The following ITSN2 variants were observed in gnomAD, a reference collection of about 807,000 sequenced individuals.
ITSN2 encodes the protein intersectin 2, also known as intersectin-2.
Under a neutral mutation model 243.7 loss-of-function variants are expected in ITSN2, and 156 were observed. That is an observed-to-expected ratio of 0.64 (90% CI 0.56 to 0.73). The LOEUF is 0.73. Ranked by LOEUF, ITSN2 falls within the 30% of genes least tolerant of loss-of-function variation. The pLI is 0.00. For missense variants in ITSN2, 1,801 were observed against 1,996.1 expected (o/e 0.90, Z 1.86); for synonymous variants, 703 against 699.9 (o/e 1.00, Z -0.07).
intron 9 of ITSN2, among the ~76,000 whole-genome samples, chr2:24,302,384 G>T (rs1267543848): frequency 6.6e-6 from 1 of 151,946 alleles, no homozygotes; most frequent in East Asian, 1.9e-4. Context: ...ATTTTTAGTA[G>T]AGACGGGGTT....
chr2:24,340,279 G>C (rs1199657701), intron 1 of ITSN2, among the ~76,000 whole-genome samples: 1 of 152,014 alleles, frequency 6.6e-6, no homozygotes, highest in Non-Finnish European at 1.5e-5. Flanking sequence ...TCAGGAGTTT[G>C]AGACCACCCT....
At chr2:24,240,903 T>C (rs989648916) in intron 29 of ITSN2, 6 of 152,214 alleles carry the variant, frequency 3.9e-5, no homozygotes, top group Non-Finnish European at 5.9e-5. Context: ...TATATTAGTT[T>C]ATAATAATGT....
chr2:24,268,405 T>C (rs1676930096), intron 20 of ITSN2, among the ~76,000 whole-genome samples: 1 of 152,166 alleles, frequency 6.6e-6, no homozygotes. Context: ...TATTCAATCC[T>C]TCTACCACTC....
At position 24,310,478 on chromosome 2, in the gene ITSN2, A is replaced by G. The variant is rs761172397; in HGVS notation, c.556+11T>C. On this transcript the variant is annotated intron_variant, in intron 6 of 39. Coordinates refer to ENST00000355123, the MANE Select transcript of ITSN2 (RefSeq NM_006277.3). ...CATGAAATAATGACTCTTTAGAAACAAAGTACTCACTTGAAGAAGAATAAG... is the reference window on the plus strand; with the variant it reads ...CATGAAATAATGACTCTTTAGAAACGAAGTACTCACTTGAAGAAGAATAAG... 80 of 1,612,822 alleles carry G rather than the reference A, an allele frequency of 5.0e-5. 1 individual carries two copies. Among genetic ancestry groups the G allele is most frequent in the Middle Eastern group, 1.6e-4 (1 of 6,078 alleles).
intron 1 of ITSN2, among the ~76,000 whole-genome samples, chr2:24,351,530 C>T (rs1475393259): frequency 2.6e-4 from 40 of 152,204 alleles, no homozygotes; most frequent in Admixed American, 2.6e-3. Flanking sequence ...CAGTAGACCC[C>T]CTTATCTGCA....
At chr2:24,327,045 C>T (rs139172190) in intron 2 of ITSN2, among the ~76,000 whole-genome samples, 1 of 151,816 alleles carries the variant, frequency 6.6e-6, no homozygotes, top group Non-Finnish European at 1.5e-5. Context: ...TGAGTTTATT[C>T]TCTATTTCCT....
intron 15 of ITSN2, among the ~76,000 whole-genome samples, chr2:24,287,629 A>G (rs555400568): frequency 6.6e-6 from 1 of 152,186 alleles, no homozygotes; most frequent in Admixed American, 6.5e-5. Flanking sequence ...GTTTTCCTTA[A>G]CAACTATACC....
chr2:24,292,681 C>T (rs1210278078), intron 15 of ITSN2, among the ~76,000 whole-genome samples: 1 of 152,240 alleles, frequency 6.6e-6, no homozygotes, highest in Non-Finnish European at 1.5e-5. Context: ...TAAGCCCTCA[C>T]TCTCTAGAGA....
chr2:24,254,971 T>C (rs4665677), intron 23 of ITSN2, among the ~76,000 whole-genome samples: 150,161 of 152,294 alleles, frequency 0.99, 74,031 homozygotes, highest in African/African-American at 1. Context: ...CAGGCCTCCC[T>C]AGGACCTGTG....
In ITSN2 at chr2:24,307,353, TAA is replaced by T. The variant is rs536698735; in HGVS notation, c.793+1262_793+1263del. Among the ~76,000 whole-genome samples, 25 of 140,964 alleles carry T rather than the reference TAA, an allele frequency of 1.8e-4. No individual in the cohort carries two copies. In the East Asian group the frequency reaches 3.5e-3, roughly 20 times the overall value. 92.5% of individuals were successfully genotyped at this position (140,964 alleles called of 152,430 possible). A position where few individuals can be genotyped will look rare whatever the true frequency, so the allele number is the denominator to read the frequency against. ...TCCTAATTTTAGAGACATTAAAATG[TAA>T]AAAAAAAAAAGTGTCAAAAAAGCAT... On this transcript the variant is annotated intron_variant, in intron 8 of 39. Coordinates refer to ENST00000355123, the MANE Select transcript of ITSN2 (RefSeq NM_006277.3).
At chr2:24,282,225 G>A (rs148640512) in intron 17 of ITSN2, among the ~76,000 whole-genome samples, 421 of 152,298 alleles carry the variant, frequency 2.8e-3, no homozygotes, top group African/African-American at 8.0e-3. Flanking sequence ...GGCAGAAGAC[G>A]ACACAAGCAG....
chr2:24,305,021 T>C (rs1038138999), intron 8 of ITSN2, among the ~76,000 whole-genome samples: 1 of 152,224 alleles, frequency 6.6e-6, no homozygotes, highest in African/African-American at 2.4e-5. Flanking sequence ...CTCTAATCTC[T>C]TTTCTTCTGT....
rs376365729 is a variant in ITSN2 at position 24,315,232 on chromosome 2, A to T, written c.32-8T>A. 7 of 1,557,950 alleles carry T rather than the reference A, an allele frequency of 4.5e-6. 1 individual carries two copies. In the South Asian group the frequency reaches 7.9e-5, roughly 18 times the overall value. ...CCCACATGTTTGGCCCTCCTGAAAC[A>T]TAAGTGGAAGAAACTATAGTGTATA... On this transcript the variant is annotated splice_polypyrimidine_tract_variant and splice_region_variant and intron_variant, in intron 2 of 39. Coordinates refer to ENST00000355123, the MANE Select transcript of ITSN2 (RefSeq NM_006277.3).
chr2:24,276,111 T>C lies in ITSN2; in HGVS notation c.1945-262A>G, dbSNP rs147946042. Among the ~76,000 whole-genome samples, 14 of 152,332 alleles carry C rather than the reference T, an allele frequency of 9.2e-5. No homozygotes were observed. The East Asian group carries it at 2.5e-3, about 27-fold the overall frequency. ...GAACACAGAATCTTTAACAAGCCGA[T>C]GCTTTGATTTGGTACATCATTTTCA... On this transcript the variant is annotated intron_variant, in intron 17 of 39. Coordinates refer to ENST00000355123, the MANE Select transcript of ITSN2 (RefSeq NM_006277.3).
At chr2:24,332,309 T>C (rs149323826) in intron 1 of ITSN2, among the ~76,000 whole-genome samples, 3 of 152,060 alleles carry the variant, frequency 2.0e-5, no homozygotes, top group Admixed American at 6.6e-5. Flanking sequence ...AATACCATGA[T>C]TGTTTACGGA....
At chr2:24,344,544 T>C (rs141366207) in intron 1 of ITSN2, among the ~76,000 whole-genome samples, 4 of 152,356 alleles carry the variant, frequency 2.6e-5, no homozygotes, top group East Asian at 1.9e-4. Context: ...TGTATATTTC[T>C]CCTATGAATT....
chr2:24,308,431 T>C (rs1682824111), intron 8 of ITSN2, among the ~76,000 whole-genome samples, 186 bp downstream of exon 8: 1 of 152,230 alleles, frequency 6.6e-6, no homozygotes, highest in Admixed American at 6.5e-5. Flanking sequence ...AAGAAAGCAA[T>C]CAAGTTGAAT....
intron 1 of ITSN2, among the ~76,000 whole-genome samples, chr2:24,360,042 G>T (rs1225896578): frequency 2.7e-5 from 4 of 148,968 alleles, no homozygotes; most frequent in African/African-American, 7.8e-5. Flanking sequence ...CGGCCGCAAG[G>T]AAGGGGCAGC....
intron 2 of ITSN2, among the ~76,000 whole-genome samples, chr2:24,323,394 T>G (rs2151815439): frequency 6.6e-6 from 1 of 152,314 alleles, no homozygotes; most frequent in Non-Finnish European, 1.5e-5. Context: ...TGGACTACTA[T>G]TCAGCAGTAA....
Sources: allele counts gnomAD v4.1 joint callset (sites outside exome capture counted in the v4.1 genomes callset), GRCh38; gene constraint gnomAD v4.1.1; transcripts MANE v1.5; gene names NCBI Gene and HGNC (gene_info 2026-07-23, HGNC 2026-07-21).